The following HIVEP2 variants were observed in gnomAD, a reference collection of about 807,000 sequenced individuals.
HIVEP2 encodes the protein HIVEP zinc finger 2.
HIVEP2 carries 14 observed loss-of-function variants against 180.7 expected under a neutral mutation model. The ratio of observed to expected loss-of-function variants is 0.08; its 90% CI spans 0.05 to 0.12. The LOEUF (loss-of-function observed/expected upper bound fraction) is 0.12. Ranked by LOEUF, HIVEP2 falls within the 10% of genes least tolerant of loss-of-function variation. The pLI is 1.00. For missense variants in HIVEP2, 2,579 were observed against 3,008.5 expected, an observed-to-expected ratio of 0.86 and a Z score of 3.34; for synonymous variants, 1,184 against 1,136.4, an observed-to-expected ratio of 1.04 and a Z score of -0.84.
chr6:142,785,309 C>CAAAAA lies in HIVEP2; in HGVS notation c.-527-1699_-527-1695dup, dbSNP rs57458259. On this transcript the variant is annotated intron_variant, in intron 2 of 9. Transcript: ENST00000367603. The stretch of plus-strand genomic sequence containing the variant: ...GGCTAAAGTAAAGCATGGCATTCCT[C>CAAAAA]AAAAAAAAAAAAAAAAAAAAAAAAA... Among the ~76,000 whole-genome samples the CAAAAA allele has an allele frequency of 8.7e-4, 57 of 65,390 alleles. 1 individual carries two copies. Among genetic ancestry groups the CAAAAA allele is most frequent in the South Asian group, 1.7e-3 (2 of 1,150 alleles). 42.9% of individuals were successfully genotyped at this position (65,390 alleles called of 152,430 possible).
intron 1 of HIVEP2, among the ~76,000 whole-genome samples, chr6:142,936,049 T>G (rs1206004050): frequency 6.6e-6 from 1 of 150,558 alleles, no homozygotes; most frequent in Non-Finnish European, 1.5e-5. Flanking sequence ...GAGGTCGAGG[T>G]TGCAGTGAAC....
intron 2 of HIVEP2, among the ~76,000 whole-genome samples, chr6:142,787,179 C>T (rs968835323): frequency 6.6e-6 from 1 of 151,930 alleles, no homozygotes; most frequent in African/African-American, 2.4e-5. Context: ...TCATTTGAAC[C>T]CAGGAGTTTG....
At chr6:142,879,621 G>A (rs1260621160) in intron 1 of HIVEP2, among the ~76,000 whole-genome samples, 1 of 151,990 alleles carries the variant, frequency 6.6e-6, no homozygotes, top group African/African-American at 2.4e-5. Flanking sequence ...CTGCTGGAGT[G>A]GCTCTTTGCT....
chr6:142,879,551 T>A (rs1776530622), intron 1 of HIVEP2, among the ~76,000 whole-genome samples: 1 of 152,094 alleles, frequency 6.6e-6, no homozygotes, highest in Non-Finnish European at 1.5e-5. Flanking sequence ...TATCTCAAAC[T>A]CAGATCCCCA....
At chr6:142,830,403 G>C (rs1775047460) in intron 2 of HIVEP2, among the ~76,000 whole-genome samples, 1 of 152,100 alleles carries the variant, frequency 6.6e-6, no homozygotes, top group Non-Finnish European at 1.5e-5. Context: ...TATTTTTCCT[G>C]TATGTTTTTA....
chr6:142,903,996 A>G (rs1777199805), intron 1 of HIVEP2, among the ~76,000 whole-genome samples: 1 of 152,214 alleles, frequency 6.6e-6, no homozygotes, highest in African/African-American at 2.4e-5. Flanking sequence ...CAGAGATGGA[A>G]CACAGCTATG....
At chr6:142,875,668 G>A (rs536613282) in intron 1 of HIVEP2, among the ~76,000 whole-genome samples, 2 of 152,186 alleles carry the variant, frequency 1.3e-5, no homozygotes, top group South Asian at 4.1e-4. Flanking sequence ...AGGAAGGAGA[G>A]GAATCCAGGA....
rs1775551153 is a variant in HIVEP2, at chr6:142,771,736, C to A, written c.3003G>T (p.Gly1001=). ...LSALPKQDEF[G]KHSEFLTVPA... is the part of the protein sequence containing the mutation. Reference sequence around the variant, plus strand: ...GGACAGTCAGAAACTCTGAATGCTTCCCAAACTCATCCTGCTTAGGAAGTG... The same window carrying A: ...GGACAGTCAGAAACTCTGAATGCTTACCAAACTCATCCTGCTTAGGAAGTG... The change falls in exon 5 of 10, where the codon GGG becomes GGT. Residue 1001 remains glycine, a synonymous_variant. Transcript: ENST00000367603. This position sits in a 1 kb window ranked among gnomAD's most constrained non-coding sequence, Gnocchi z 5.4. 6.2e-7 allele frequency: 1 copy of A among 1,614,158 alleles called. No homozygotes were observed. Among genetic ancestry groups the A allele is most frequent in the Middle Eastern group, 1.6e-4 (1 of 6,062 alleles).
At chr6:142,822,974 C>T (rs1777079950) in intron 2 of HIVEP2, among the ~76,000 whole-genome samples, 1 of 152,188 alleles carries the variant, frequency 6.6e-6, no homozygotes, top group African/African-American at 2.4e-5. Context: ...CACACAGGAC[C>T]TCCAGTCCCC....
chr6:142,930,789 A>G (rs1182617565), intron 1 of HIVEP2, among the ~76,000 whole-genome samples: 2 of 152,312 alleles, frequency 1.3e-5, no homozygotes, highest in African/African-American at 4.8e-5. Flanking sequence ...CAAGCATGTT[A>G]TTGAAACAGC....
intron 1 of HIVEP2, among the ~76,000 whole-genome samples, chr6:142,844,912 C>T (rs946183298): frequency 2.0e-5 from 3 of 152,198 alleles, no homozygotes; most frequent in African/African-American, 7.2e-5. Context: ...AAAATGCAAA[C>T]AGGCACACCC....
At chr6:142,887,991 A>G (rs1251062970) in intron 1 of HIVEP2, among the ~76,000 whole-genome samples, 3 of 151,912 alleles carry the variant, frequency 2.0e-5, no homozygotes, top group African/African-American at 7.3e-5. Flanking sequence ...TTTCAAATTA[A>G]TCTTTCTAGA....
At chr6:142,777,025 A>G (rs1161323383) in intron 3 of HIVEP2, among the ~76,000 whole-genome samples, 6 of 152,202 alleles carry the variant, frequency 3.9e-5, no homozygotes, top group South Asian at 2.1e-4. Flanking sequence ...GGAGTGTTCA[A>G]TGAGGTACCC....
intron 1 of HIVEP2, among the ~76,000 whole-genome samples, chr6:142,867,211 CT>C (rs901760741): frequency 1.1e-4 from 16 of 151,564 alleles, no homozygotes; most frequent in African/African-American, 2.4e-4. Context: ...ATTTCATAGT[CT>C]TTTTTTTTCT....
intron 1 of HIVEP2, among the ~76,000 whole-genome samples, chr6:142,916,993 C>T (rs1777569210): frequency 6.6e-6 from 1 of 152,190 alleles, no homozygotes; most frequent in Non-Finnish European, 1.5e-5. Flanking sequence ...AATGGACATA[C>T]TATAAATGTG....
At chr6:142,833,009 G>T (rs1285558044) in intron 2 of HIVEP2, among the ~76,000 whole-genome samples, 2 of 152,096 alleles carry the variant, frequency 1.3e-5, no homozygotes, top group Admixed American at 6.5e-5. Flanking sequence ...ATAATAAAAA[G>T]AACATAGTGG....
rs1774963506 is a variant in HIVEP2, at chr6:142,753,175, T to G, written c.7273A>C (p.Ser2425Arg). 1 of 1,613,970 alleles carries G rather than the reference T, an allele frequency of 6.2e-7. No homozygotes were observed. The highest frequency in any genetic ancestry group is 2.2e-5 in the East Asian group (1 of 44,880). ...TCTGTGCTTGAAGATAATTCCTTGC[T>G]GCTGTGAAAGTCCAACTGCTTGTCA... ...VDDKQLDFHS[S>R]KELSSSTEES... is the part of the protein sequence containing the mutation. Residue 2425 changes from serine to arginine, a missense_variant, in exon 10 of 10, where the codon AGC (serine) becomes CGC (arginine). Coordinates refer to ENST00000367603, the MANE Select transcript of HIVEP2 (RefSeq NM_006734.4).
chr6:142,790,097 T>C (rs998572731), intron 2 of HIVEP2, among the ~76,000 whole-genome samples: 6 of 152,162 alleles, frequency 3.9e-5, no homozygotes, highest in Non-Finnish European at 8.8e-5. Flanking sequence ...TCAGTAAATA[T>C]TTTAAGTAGA....
At chr6:142,776,980 C>T (rs1582849457) in intron 3 of HIVEP2, among the ~76,000 whole-genome samples, 1 of 152,100 alleles carries the variant, frequency 6.6e-6, no homozygotes, top group Admixed American at 6.5e-5. Context: ...ACTAAGTAAT[C>T]GTTCAATTTT....
Sources: gnomAD v4.1 joint callset for allele counts (sites outside exome capture counted in the v4.1 genomes callset) on GRCh38, gnomAD v4.1.1 for gene constraint, Gnocchi (gnomAD v3.1) non-coding constraint, MANE v1.5 for transcripts, NCBI Gene and HGNC (gene_info 2026-07-23, HGNC 2026-07-21) for gene names.